FAM174A: variants seen among roughly 807,000 people sequenced by gnomAD.
FAM174A encodes the protein family with sequence similarity 174 member A.
A neutral mutation model predicts 14.3 loss-of-function variants in FAM174A; 14 were observed. The ratio of observed to expected loss-of-function variants is 0.98; its 90% CI spans 0.65 to 1.53. FAM174A has a LOEUF of 1.53. Ranked by LOEUF, FAM174A falls within the 40% of genes most tolerant of loss-of-function variation. FAM174A has a pLI of 0.00. For synonymous variants in FAM174A, 108 were observed against 111.4 expected (o/e 0.97, Z 0.19); for missense variants, 241 against 249.6 (o/e 0.97, Z 0.23).
chr5:100,552,227 T>C (rs1746278079), intron 1 of FAM174A, among the ~76,000 whole-genome samples: 1 of 152,228 alleles, frequency 6.6e-6, no homozygotes, highest in Non-Finnish European at 1.5e-5. Flanking sequence ...TTTTTATTCA[T>C]TTATGTTTCA....
chr5:100,550,039 A>G (rs981054001), intron 1 of FAM174A, among the ~76,000 whole-genome samples: 1 of 152,172 alleles, frequency 6.6e-6, no homozygotes, highest in African/African-American at 2.4e-5. Context: ...TTTTGAAAGG[A>G]TAAACTTCAG....
At chr5:100,561,963 G>A (rs1746530938) in intron 1 of FAM174A, 91 bp from the exon 2 acceptor site, 2 of 733,012 alleles carry the variant, frequency 2.7e-6, no homozygotes, top group South Asian at 3.5e-5. Context: ...TGTTTGCTAT[G>A]TCAGAAACAG....
intron 1 of FAM174A, among the ~76,000 whole-genome samples, chr5:100,539,673 G>C (rs978493340): frequency 6.6e-6 from 1 of 152,132 alleles, no homozygotes; most frequent in Non-Finnish European, 1.5e-5. Flanking sequence ...TTGCCCAAGC[G>C]TGCACATACA....
chr5:100,550,382 T>G (rs1472257184), intron 1 of FAM174A, among the ~76,000 whole-genome samples: 1 of 152,238 alleles, frequency 6.6e-6, no homozygotes, highest in African/African-American at 2.4e-5. Context: ...GGAAATGATG[T>G]TCTTTCAGGC....
intron 2 of FAM174A, among the ~76,000 whole-genome samples, 185 bp from the exon 3 acceptor site, chr5:100,585,996 T>C (rs2112410065): frequency 6.6e-6 from 1 of 152,204 alleles, no homozygotes; most frequent in East Asian, 1.9e-4. Flanking sequence ...TTCTGTTTAA[T>C]AGATAATTTC....
chr5:100,569,391 T>TTATG (rs1746729485), intron 2 of FAM174A, among the ~76,000 whole-genome samples: 1 of 150,162 alleles, frequency 6.7e-6, no homozygotes, highest in African/African-American at 2.4e-5. Context: ...GAGGCTATTA[T>TTATG]TATATATATA....
intron 2 of FAM174A, among the ~76,000 whole-genome samples, chr5:100,579,679 G>A (rs1696264323): frequency 6.6e-6 from 1 of 152,134 alleles, no homozygotes. Flanking sequence ...ACCCACCTCA[G>A]TCACCCAAAG....
chr5:100,581,519 A>G (rs1747016413), intron 2 of FAM174A: 3 of 296,302 alleles, frequency 1.0e-5, no homozygotes, highest in Non-Finnish European at 1.0e-5. Flanking sequence ...TTGGGAGGCC[A>G]AGGTGGGCGG....
chr5:100,549,793 T>C (rs1276203962), intron 1 of FAM174A, among the ~76,000 whole-genome samples: 1 of 152,032 alleles, frequency 6.6e-6, no homozygotes, highest in East Asian at 1.9e-4. Context: ...GAAAAAATGC[T>C]AAAGGAATTC....
At chr5:100,545,258 A>G (rs1013643072) in intron 1 of FAM174A, among the ~76,000 whole-genome samples, 5 of 152,228 alleles carry the variant, frequency 3.3e-5, no homozygotes, top group Non-Finnish European at 5.9e-5. Context: ...ATATGTTGGT[A>G]ATTTGCATTG....
At chr5:100,549,381 A>G (rs993343582) in intron 1 of FAM174A, among the ~76,000 whole-genome samples, 1 of 152,190 alleles carries the variant, frequency 6.6e-6, no homozygotes, top group Non-Finnish European at 1.5e-5. Context: ...TGACAAGGAA[A>G]CTATGTGTTA....
At chr5:100,555,883 T>G (rs1344743819) in intron 1 of FAM174A, among the ~76,000 whole-genome samples, 1 of 152,210 alleles carries the variant, frequency 6.6e-6, no homozygotes, top group Non-Finnish European at 1.5e-5. Flanking sequence ...TTTCTCCCAT[T>G]CTATAGGTTG....
Position 100,562,043 on chromosome 5 carries a change from C to A in FAM174A, c.435-11C>A, listed in dbSNP as rs372584492. ...AATAATTTTTATTCATTAATTTGTT[C>A]TATTTGATAGGATGAGAAGAAGAAA... On this transcript the variant is annotated splice_polypyrimidine_tract_variant and intron_variant, in intron 1 of 2. Coordinates refer to ENST00000312637, the MANE Select transcript of FAM174A (RefSeq NM_198507.3). The A allele has an allele frequency of 9.1e-5, 135 of 1,480,336 alleles. No individual in the cohort carries two copies. The highest frequency in any genetic ancestry group is 1.8e-4 in the Middle Eastern group (1 of 5,644). 91.7% of individuals were successfully genotyped at this position (1,480,336 alleles called of 1,614,324 possible).
At chr5:100,541,958 T>TGCA (rs1746062378) in intron 1 of FAM174A, among the ~76,000 whole-genome samples, 1 of 152,216 alleles carries the variant, frequency 6.6e-6, no homozygotes, top group Admixed American at 6.5e-5. Flanking sequence ...TCTTATTCCA[T>TGCA]GAACTCTTCT....
intron 2 of FAM174A, among the ~76,000 whole-genome samples, chr5:100,583,615 C>A (rs1023980533): frequency 6.6e-6 from 1 of 152,044 alleles, no homozygotes; most frequent in Non-Finnish European, 1.5e-5. Flanking sequence ...CCAAGATCCT[C>A]ATCTTGACAT....
In FAM174A at chr5:100,535,520, G is replaced by A. The variant is rs764335603; in HGVS notation, c.-11G>A. On this transcript the variant is annotated 5_prime_UTR_variant, in exon 1 of 3. Coordinates refer to ENST00000312637, the MANE Select transcript of FAM174A (RefSeq NM_198507.3). ...GCGGCTCCCGGGTGGTGAGAGAGCG[G>A]TCCGGGAACGATGAAGGCCTCGCAG... 3 of 1,611,552 alleles carry A rather than the reference G, an allele frequency of 1.9e-6. No homozygotes were observed. The Admixed American group carries it at 5.0e-5, about 27-fold the overall frequency.
intron 1 of FAM174A, among the ~76,000 whole-genome samples, chr5:100,542,023 A>G (rs1272987530): frequency 6.6e-6 from 1 of 152,066 alleles, no homozygotes; most frequent in African/African-American, 2.4e-5. Flanking sequence ...CCTCTGTCTT[A>G]CTCATCTTTG....
chr5:100,550,600 C>G (rs1341392281), intron 1 of FAM174A, among the ~76,000 whole-genome samples: 1 of 152,106 alleles, frequency 6.6e-6, no homozygotes, highest in Non-Finnish European at 1.5e-5. Context: ...CTCATGGAAT[C>G]AAATGTCTGG....
At chr5:100,549,324 C>T (rs1001579723) in intron 1 of FAM174A, among the ~76,000 whole-genome samples, 1 of 151,876 alleles carries the variant, frequency 6.6e-6, no homozygotes, top group African/African-American at 2.4e-5. Flanking sequence ...AGCCTTAGGT[C>T]CTAAAAGGGA....
Sources: gnomAD v4.1 joint callset for allele counts (sites outside exome capture counted in the v4.1 genomes callset) on GRCh38, gnomAD v4.1.1 for gene constraint, MANE v1.5 for transcripts, NCBI Gene and HGNC (gene_info 2026-07-23, HGNC 2026-07-21) for gene names.